The following LAMA2 variants were observed in gnomAD, a reference collection of about 807,000 sequenced individuals.
The protein encoded by LAMA2 is laminin subunit alpha-2.
In LAMA2, 269 loss-of-function variants were observed where a neutral mutation model predicts 364.8. The ratio of observed to expected loss-of-function variants is 0.74; its 90% confidence interval spans 0.67 to 0.82. LAMA2 has a LOEUF of 0.82. LAMA2 is among the 40% of genes least tolerant of loss of function. The pLI, the probability that LAMA2 is intolerant of heterozygous loss-of-function variation, is 0.00. For missense variants in LAMA2, 3,807 were observed against 3,873.2 expected (o/e 0.98, Z 0.45); for synonymous variants, 1,379 against 1,370.6 (o/e 1.01, Z -0.14).
chr6:128,925,240 A>G (rs1195379424), intron 1 of LAMA2, among the ~76,000 whole-genome samples: 4 of 152,216 alleles, frequency 2.6e-5, no homozygotes, highest in Non-Finnish European at 5.9e-5. Context: ...ATTATTTACA[A>G]TGGCCAAAAG....
intron 1 of LAMA2, among the ~76,000 whole-genome samples, chr6:129,017,097 A>G (rs1785128250): frequency 6.6e-6 from 1 of 151,984 alleles, no homozygotes; most frequent in Non-Finnish European, 1.5e-5. Flanking sequence ...CTACATTTAA[A>G]TGCATTTTAT....
intron 12 of LAMA2, among the ~76,000 whole-genome samples, chr6:129,234,998 A>G (rs1400418125): frequency 6.6e-6 from 1 of 152,172 alleles, no homozygotes; most frequent in Non-Finnish European, 1.5e-5. Flanking sequence ...GAAATGTATG[A>G]TTTTTAAAAG....
intron 62 of LAMA2, among the ~76,000 whole-genome samples, chr6:129,508,829 G>A (rs1441376998): frequency 6.6e-6 from 1 of 152,132 alleles, no homozygotes; most frequent in African/African-American, 2.4e-5. Context: ...AAACGTGGGA[G>A]TGCAGATATC....
chr6:129,070,477 A>G (rs1773238437), intron 3 of LAMA2, among the ~76,000 whole-genome samples: 1 of 152,086 alleles, frequency 6.6e-6, no homozygotes, highest in Non-Finnish European at 1.5e-5. Context: ...CACTTTATGG[A>G]CATTAATATT....
rs530813163 is a variant in LAMA2, at chr6:129,028,977, A to G, written c.113-20941A>G. Among the ~76,000 whole-genome samples the G allele has an allele frequency of 6.6e-5, 10 of 152,004 alleles. No individual in the cohort carries two copies. The East Asian group carries it at 1.5e-3, about 23-fold the overall frequency. On this transcript the variant is annotated intron_variant, in intron 1 of 64. Transcript: ENST00000421865. ...TGACATGCCCAAATCCACCAAGTAT[A>G]TATCTCACTTCCAAAATAGTCTCAG...
intron 12 of LAMA2, among the ~76,000 whole-genome samples, chr6:129,201,491 A>G (rs1782283123): frequency 6.6e-6 from 1 of 152,220 alleles, no homozygotes; most frequent in Non-Finnish European, 1.5e-5. Context: ...GAGCTGATAC[A>G]GGGCTGCTAA....
rs80287289 is a variant in LAMA2, at chr6:128,929,972, A to C, written c.112+46615A>C. The C allele has an allele frequency of 7.8e-3, 5,059 of 646,444 alleles. 38 individuals carry two copies. The highest frequency in any genetic ancestry group is 0.015 in the South Asian group (849 of 55,156). The allele number at this position is 646,444 out of a possible 1,614,324, so 40.0% of individuals were successfully genotyped here. ...GACCCACCACTCCCTCATCCTGCGG[A>C]GGCGATCTTTGCGCACGGCGGCGTT... On this transcript the variant is annotated intron_variant, in intron 1 of 64. Transcript: ENST00000421865.
intron 1 of LAMA2, chr6:128,930,060 G>GGGCC (rs1332481363): frequency 1.6e-5 from 6 of 371,040 alleles, no homozygotes; most frequent in Admixed American, 4.5e-5. Flanking sequence ...CAGCCCTGCA[G>GGGCC]GGCCGGCCGG....
At chr6:128,894,847 A>G (rs1362135566) in intron 1 of LAMA2, among the ~76,000 whole-genome samples, 1 of 152,184 alleles carries the variant, frequency 6.6e-6, no homozygotes, top group Non-Finnish European at 1.5e-5. Flanking sequence ...TTGCTTTTGC[A>G]CCATCAGTGC....
chr6:129,467,749 C>T (rs1026010254), intron 51 of LAMA2, among the ~76,000 whole-genome samples: 2 of 151,876 alleles, frequency 1.3e-5, no homozygotes, highest in Non-Finnish European at 2.9e-5. Context: ...AACAAAAGAT[C>T]TGTGCTCTGA....
intron 1 of LAMA2, among the ~76,000 whole-genome samples, chr6:128,965,794 T>C (rs930392251): frequency 1.3e-5 from 2 of 151,984 alleles, no homozygotes; most frequent in Non-Finnish European, 2.9e-5. Context: ...TGTCTCCCAA[T>C]ATTATTTCCT....
rs567285105 is a variant in LAMA2, at chr6:128,982,578, G to GT, written c.113-67333dup. 3.3e-5 allele frequency among the ~76,000 whole-genome samples: 5 copies of GT among 151,524 alleles called. No individual in the cohort carries two copies. In the South Asian group the frequency reaches 1.1e-3, roughly 32 times the overall value. ...TGTTTTTATTTACCTTTTTTTACCA[G>GT]TTTTTTTCCAGTTTTGTTTTATTAT... On this transcript the variant is annotated intron_variant, in intron 1 of 64. Coordinates refer to ENST00000421865, the MANE Select transcript of LAMA2 (RefSeq NM_000426.4).
intron 64 of LAMA2, 22 bp from the exon 65 acceptor site, chr6:129,516,168 C>T (rs369451262): frequency 1.2e-6 from 2 of 1,613,642 alleles, no homozygotes; most frequent in African/African-American, 1.3e-5. Flanking sequence ...AAAGCTGAGC[C>T]CTCTTGCATT....
intron 1 of LAMA2, among the ~76,000 whole-genome samples, chr6:128,952,845 A>G (rs1267012210): frequency 6.6e-6 from 1 of 152,140 alleles, no homozygotes; most frequent in East Asian, 1.9e-4. Context: ...TACAGAGGAG[A>G]CCTGCCTTAG....
chr6:128,982,914 G>A (rs1488197519), intron 1 of LAMA2, among the ~76,000 whole-genome samples: 5 of 147,302 alleles, frequency 3.4e-5, no homozygotes, highest in African/African-American at 5.0e-5. Context: ...TTCCAGTATC[G>A]TCCATGTCCC....
rs114878925 is a variant in LAMA2, at chr6:128,954,484, C to T, written c.112+71127C>T. On this transcript the variant is annotated intron_variant, in intron 1 of 64. Transcript: ENST00000421865. ...TTTTATAGCTCTTTAAAAAAAATAC[C>T]TGCATCAGCAGACAATTGGTAACAG... 2.3e-3 allele frequency among the ~76,000 whole-genome samples: 349 copies of T among 152,006 alleles called. 2 individuals carry two copies. The highest frequency in any genetic ancestry group is 7.7e-3 in the African/African-American group (318 of 41,506).
intron 4 of LAMA2, among the ~76,000 whole-genome samples, chr6:129,104,180 T>C (rs946896386): frequency 2.0e-5 from 3 of 152,140 alleles, no homozygotes; most frequent in Non-Finnish European, 4.4e-5. Context: ...AATTTTTTTG[T>C]AGAGACAGGG....
At chr6:129,407,794 T>C (rs146799370) in intron 40 of LAMA2, among the ~76,000 whole-genome samples, 14 of 152,314 alleles carry the variant, frequency 9.2e-5, no homozygotes, top group African/African-American at 3.1e-4. Context: ...TGTTGTAGTT[T>C]CCCATTGACC....
At chr6:128,995,668 G>C (rs996175124) in intron 1 of LAMA2, among the ~76,000 whole-genome samples, 9 of 152,008 alleles carry the variant, frequency 5.9e-5, no homozygotes, top group African/African-American at 2.2e-4. Context: ...TCTCCCCTCT[G>C]TTGTATTGCC....
Sources: allele counts gnomAD v4.1 joint callset (sites outside exome capture counted in the v4.1 genomes callset), GRCh38; gene constraint gnomAD v4.1.1; transcripts MANE v1.5; gene names NCBI Gene and HGNC (gene_info 2026-07-23, HGNC 2026-07-21).